The following ZNF334 variants were observed in gnomAD, a reference collection of about 807,000 sequenced individuals.
The protein encoded by ZNF334 is zinc finger protein 334.
Under a neutral mutation model 12.4 loss-of-function variants are expected in ZNF334, and 14 were observed. The observed-to-expected ratio is 1.13, with a 90% CI of 0.74 to 1.76. The LOEUF is 1.76. Among genes scored for constraint, ZNF334 ranks in the 40% most tolerant of loss-of-function variants. The pLI is 0.00. For synonymous variants in ZNF334, 273 were observed against 269.6 expected (o/e 1.01, Z -0.12); for missense variants, 797 against 804.5 (o/e 0.99, Z 0.11).
chr20:46,509,817 A>C, intron 2 of ZNF334: 1 of 615,434 alleles, frequency 1.6e-6, no homozygotes, highest in South Asian at 1.9e-5. Context: ...GGGATGGCAG[A>C]ATATGGAAGG....
At chr20:46,492,946 G>A in the ZNF334 span, 1 of 152,102 alleles carries the variant, frequency 6.6e-6, no homozygotes, top group East Asian at 1.9e-4. Context: ...AAATTAGCAG[G>A]GCGTGGTGGT....
the ZNF334 span, chr20:46,464,166 A>G: frequency 5.7e-6 from 3 of 529,180 alleles, no homozygotes; most frequent in Admixed American, 6.0e-5. Context: ...CCTGCTTGTA[A>G]AAACACATCC....
chr20:46,466,862 G>T, the ZNF334 span, among the ~76,000 whole-genome samples: 1 of 152,140 alleles, frequency 6.6e-6, no homozygotes, highest in African/African-American at 2.4e-5. Flanking sequence ...TATCTAGGAT[G>T]GGTATCAGTT....
chr20:46,493,916 C>T, the ZNF334 span, among the ~76,000 whole-genome samples: 2 of 152,192 alleles, frequency 1.3e-5, no homozygotes, highest in Middle Eastern at 3.4e-3. Flanking sequence ...GGTGACAGAG[C>T]GAGACTGTCT....
chr20:46,464,770 T>C, the ZNF334 span: 1 of 515,210 alleles, frequency 1.9e-6, no homozygotes, highest in Non-Finnish European at 4.0e-6. Flanking sequence ...TGCAGTAGAG[T>C]TGCCCAGGAA....
downstream of ZNF334, among the ~76,000 whole-genome samples, chr20:46,497,915 T>C (rs943434442): frequency 1.3e-5 from 2 of 152,206 alleles, no homozygotes; most frequent in Non-Finnish European, 2.9e-5. Flanking sequence ...CCCTTACACA[T>C]AGATTCCGAC....
At chr20:46,505,599 G>A (rs2061402003) in intron 2 of ZNF334, 2 of 153,750 alleles carry the variant, frequency 1.3e-5, no homozygotes, top group South Asian at 2.1e-4. Flanking sequence ...GACCAAATGT[G>A]TATTTTGAAA....
chr20:46,489,957 T>C, the ZNF334 span, among the ~76,000 whole-genome samples: 1 of 152,180 alleles, frequency 6.6e-6, no homozygotes, highest in Non-Finnish European at 1.5e-5. Context: ...GCTCAATCTA[T>C]AATTCGTATG....
the ZNF334 span, among the ~76,000 whole-genome samples, chr20:46,478,678 T>A: frequency 6.6e-6 from 1 of 152,126 alleles, no homozygotes; most frequent in Non-Finnish European, 1.5e-5. Context: ...AGAGGAGAGG[T>A]CCATTGCAGT....
the ZNF334 span, among the ~76,000 whole-genome samples, chr20:46,471,465 A>G: frequency 2.0e-5 from 3 of 152,182 alleles, no homozygotes; most frequent in Admixed American, 2.0e-4. Context: ...ATTTTAATGT[A>G]GTCAAATTTA....
chr20:46,476,475 AC>A, the ZNF334 span: 4 of 152,238 alleles, frequency 2.6e-5, no homozygotes, highest in Non-Finnish European at 5.9e-5. Flanking sequence ...TTGATATTGT[AC>A]TATCATTTTG....
At chr20:46,481,135 A>G in the ZNF334 span, 2,630 of 152,302 alleles carry the variant, frequency 0.017, 30 homozygotes, top group Admixed American at 0.029. Flanking sequence ...GAAGAATGAA[A>G]AGGAAAATGG....
the ZNF334 span, among the ~76,000 whole-genome samples, chr20:46,462,420 A>G: frequency 0.01 from 1,587 of 152,344 alleles, 44 homozygotes; most frequent in African/African-American, 0.037. Flanking sequence ...ACTCCACTAC[A>G]GTAAACACCT....
At chr20:46,489,878 C>T in the ZNF334 span, among the ~76,000 whole-genome samples, 3 of 152,086 alleles carry the variant, frequency 2.0e-5, no homozygotes, top group African/African-American at 7.2e-5. Context: ...GCTGGTTCTC[C>T]ATCTTATCAG....
At chr20:46,466,005 G>A in the ZNF334 span, among the ~76,000 whole-genome samples, 1 of 151,946 alleles carries the variant, frequency 6.6e-6, no homozygotes, top group Non-Finnish European at 1.5e-5. Flanking sequence ...GGAAGAGGGG[G>A]AATTCATGTT....
intron 2 of ZNF334, among the ~76,000 whole-genome samples, chr20:46,510,904 G>A (rs1197342835): frequency 6.6e-6 from 1 of 152,044 alleles, no homozygotes; most frequent in Non-Finnish European, 1.5e-5. Flanking sequence ...GACTCCATGT[G>A]CCTTCTGGAC....
Position 46,501,372 on chromosome 20 carries a change from T to C in ZNF334, c.1967A>G (p.Tyr656Cys). 4 of 1,614,174 alleles carry C rather than the reference T, an allele frequency of 2.5e-6. 1 individual carries two copies. The South Asian group carries it at 3.3e-5, about 13-fold the overall frequency. The change falls in exon 5 of 5, where the codon TAT (tyrosine) becomes TGT (cysteine). Residue 656 changes from tyrosine to cysteine, a missense_variant. By Grantham distance (194) the Tyr-to-Cys change is radical. Coordinates refer to ENST00000692313, the MANE Select transcript of ZNF334 (RefSeq NM_001353824.2). Reference sequence around the variant, plus strand: ...TGTTTTCTCACATTTGTTACATTCATAAGGTTTCTCTCCTGTGTGTATTTT... The same window carrying C: ...TGTTTTCTCACATTTGTTACATTCACAAGGTTTCTCTCCTGTGTGTATTTT... ...HQKIHTGEKP[Y>C]ECNKCEKTFR...
the ZNF334 span, among the ~76,000 whole-genome samples, chr20:46,466,228 T>C: frequency 1.6e-4 from 24 of 152,156 alleles, no homozygotes; most frequent in Non-Finnish European, 3.4e-4. Flanking sequence ...CAAATTTTAC[T>C]CTAAACAAAT....
the ZNF334 span, among the ~76,000 whole-genome samples, chr20:46,463,285 T>G: frequency 6.6e-6 from 1 of 152,194 alleles, no homozygotes; most frequent in Non-Finnish European, 1.5e-5. Context: ...AAACACACAG[T>G]AGAAATCTCA....
Sources: allele counts gnomAD v4.1 joint callset (sites outside exome capture counted in the v4.1 genomes callset), GRCh38; gene constraint gnomAD v4.1.1; transcripts MANE v1.5; gene names NCBI Gene and HGNC (gene_info 2026-07-23, HGNC 2026-07-21).